SMC4: variants seen among roughly 807,000 people sequenced by gnomAD.
SMC4 encodes the protein structural maintenance of chromosomes protein 4.
SMC4 carries 87 observed loss-of-function variants against 145.6 expected under a neutral mutation model. The ratio of observed to expected loss-of-function variants is 0.60; its 90% CI spans 0.50 to 0.71. SMC4 has a LOEUF of 0.71. Among genes scored for constraint, SMC4 ranks in the 30% least tolerant of loss-of-function variants. The pLI, the probability that SMC4 is intolerant of heterozygous loss-of-function variation, is 0.00. For missense variants in SMC4, 1,447 were observed against 1,537.1 expected (o/e 0.94, Z 0.98); for synonymous variants, 558 against 500.7 (o/e 1.11, Z -1.53).
At chr3:160,402,180 CTA>C in intron 3 of SMC4, 87 bp downstream of exon 3, 1 of 846,816 alleles carries the variant, frequency 1.2e-6, no homozygotes, top group Non-Finnish European at 1.7e-6. Flanking sequence ...AGTTTTGTAA[CTA>C]TCCTAAAATT....
chr3:160,416,953 C>T (rs76054745), intron 10 of SMC4, among the ~76,000 whole-genome samples: 2,711 of 152,050 alleles, frequency 0.018, 68 homozygotes, highest in African/African-American at 0.062. Flanking sequence ...ATCTATATAA[C>T]GTACTGAGAA....
Position 160,431,791 on chromosome 3 carries a change from C to G in SMC4, c.3263C>G (p.Pro1088Arg). ...GAAGCCCGGTGTCATGAAATGAAACCAAACCTCGGTGCCATCGCAGAGTAT... is the reference window on the plus strand; with the variant it reads ...GAAGCCCGGTGTCATGAAATGAAACGAAACCTCGGTGCCATCGCAGAGTAT... ...LLEARCHEMKPNLGAIAEYKK... is the reference protein window; with the variant it reads ...LLEARCHEMKRNLGAIAEYKK... The change falls in exon 21 of 24, where the codon CCA becomes CGA. Residue 1088 changes from proline (P) to arginine (R), a missense_variant. Coordinates refer to ENST00000357388, the MANE Select transcript of SMC4 (RefSeq NM_001002800.3). 1 of 1,613,712 alleles carries G rather than the reference C, an allele frequency of 6.2e-7. No homozygotes were observed. The highest frequency in any genetic ancestry group is 8.5e-7 in the Non-Finnish European group (1 of 1,179,930).
At chr3:160,431,942 C>T in intron 21 of SMC4, 117 bp downstream of exon 21, 1 of 1,088,410 alleles carries the variant, frequency 9.2e-7, no homozygotes, top group Non-Finnish European at 1.3e-6. Context: ...TGGCTCACGC[C>T]TGTAATCCCA....
At chr3:160,426,788 A>G (rs113148456) in intron 17 of SMC4, among the ~76,000 whole-genome samples, 2,031 of 152,312 alleles carry the variant, frequency 0.013, 23 homozygotes, top group Middle Eastern at 0.02. Flanking sequence ...GTTGGCTTCA[A>G]TCAAACATAG....
At chr3:160,430,180 A>AAGGAGGTAATAAGGG (rs1718240618) in intron 18 of SMC4, among the ~76,000 whole-genome samples, 1 of 37,326 alleles carries the variant, frequency 2.7e-5, no homozygotes, top group African/African-American at 1.2e-4. Flanking sequence ...GCTCAGAGAT[A>AAGGAGGTAATAAGGG]AGGAGGTAAT....
chr3:160,419,825 C>T (rs1716981485), intron 12 of SMC4, among the ~76,000 whole-genome samples: 1 of 151,978 alleles, frequency 6.6e-6, no homozygotes, highest in South Asian at 2.1e-4. Context: ...GAGACTTTAG[C>T]CAGGCACAAT....
chr3:160,423,282 G>C (rs140017582), intron 13 of SMC4, 143 bp from the exon 14 acceptor site: 2 of 622,538 alleles, frequency 3.2e-6, no homozygotes, highest in African/African-American at 3.8e-5. Context: ...GATGTCTTCC[G>C]TTTAGGTCTA....
At chr3:160,407,635 C>T (rs1715489737) in intron 5 of SMC4, among the ~76,000 whole-genome samples, 2 of 151,464 alleles carry the variant, frequency 1.3e-5, no homozygotes, top group Non-Finnish European at 2.9e-5. Flanking sequence ...TGAGTTGTTG[C>T]CTAGCCATCT....
intron 20 of SMC4, 123 bp from the exon 21 acceptor site, chr3:160,431,516 ATAAT>A (rs1718402875): frequency 1.3e-6 from 1 of 772,032 alleles, no homozygotes; most frequent in Admixed American, 3.2e-5. Flanking sequence ...CCTTTGAAAA[ATAAT>A]TGATAAATCA....
In SMC4 at chr3:160,419,447, G is replaced by C. The variant is rs76165638; in HGVS notation, c.1761G>C (p.Lys587Asn). Reference sequence around the variant, plus strand: ...TCTTTCAAAAAGTTGAAGAAGCAAAGAGCTCATTAGCAATGAATCGAAGTA... The same window carrying C: ...TCTTTCAAAAAGTTGAAGAAGCAAACAGCTCATTAGCAATGAATCGAAGTA... ...HDLFQKVEEA[K>N]SSLAMNRSRG... The change falls in exon 12 of 24, where the codon AAG becomes AAC. Residue 587 changes from lysine (K) to asparagine (N), a missense_variant. Lys to Asn is a moderately conservative substitution (Grantham distance 94, BLOSUM62 0). Transcript: ENST00000357388. The C allele has an allele frequency of 6.0e-4, 967 of 1,612,306 alleles. 5 individuals carry two copies. In the African/African-American group the frequency reaches 0.012, roughly 19 times the overall value.
In SMC4 at chr3:160,432,306, A is replaced by G. The variant is rs762281554; in HGVS notation, c.3321A>G (p.Val1107=). 9 of 1,608,888 alleles carry G rather than the reference A, an allele frequency of 5.6e-6. No homozygotes were observed. In the African/African-American group the frequency reaches 9.4e-5, roughly 17 times the overall value. The change falls in exon 22 of 24, where the codon GTA becomes GTG. Residue 1107 remains valine, a synonymous_variant. Coordinates refer to ENST00000357388, the MANE Select transcript of SMC4 (RefSeq NM_001002800.3). ...AGGAAGAATTGTATTTGCAACGGGT[A>G]GCAGAATTGGACAAAATTACTTATG... is the stretch of plus-strand genomic sequence containing the variant. ...KKKEELYLQR[V]AELDKITYER... is the part of the protein sequence containing the mutation.
At chr3:160,428,503 C>T (rs1241194405) in intron 17 of SMC4, among the ~76,000 whole-genome samples, 3 of 152,044 alleles carry the variant, frequency 2.0e-5, no homozygotes, top group African/African-American at 4.8e-5. Flanking sequence ...TTAAAAGAAG[C>T]TGAGAACATG....
chr3:160,433,514 T>C, intron 23 of SMC4, 143 bp from the exon 24 acceptor site: 1 of 588,956 alleles, frequency 1.7e-6, no homozygotes, highest in East Asian at 3.0e-5. Context: ...CACACTCAAA[T>C]ACTGTTTTAT....
intron 15 of SMC4, among the ~76,000 whole-genome samples, chr3:160,424,083 G>T (rs1285402827): frequency 6.6e-6 from 1 of 152,026 alleles, no homozygotes; most frequent in African/African-American, 2.4e-5. Context: ...GGATCATACA[G>T]ATATTCCATA....
intron 13 of SMC4, among the ~76,000 whole-genome samples, chr3:160,422,231 T>C (rs1031810912): frequency 1.3e-5 from 2 of 152,246 alleles, no homozygotes. Flanking sequence ...AGGGTAGAAC[T>C]GCTGGGTCAT....
At chr3:160,422,190 A>G (rs1023029616) in intron 13 of SMC4, among the ~76,000 whole-genome samples, 9 of 152,148 alleles carry the variant, frequency 5.9e-5, no homozygotes, top group Admixed American at 1.3e-4. Context: ...GTGAACATGT[A>G]TTTTCAGTTC....
rs1270410067 is a variant in SMC4, at chr3:160,419,355, TAGAA to T, written c.1675_1678del (p.Glu559LysfsTer31). The T allele has an allele frequency of 5.1e-6, 8 of 1,575,906 alleles. No homozygotes were observed. Among genetic ancestry groups the T allele is most frequent in the Non-Finnish European group, 6.9e-6 (8 of 1,163,322 alleles). ...CTGGATTTCATTTTATTTTCACTTT[TAGAA>T]AGAAAAAGAACTTCAAAAACTTACA... On this transcript the variant is annotated splice_acceptor_variant and coding_sequence_variant, in exon 12 of 24. Transcript: ENST00000357388. LOFTEE classifies it high-confidence loss of function.
chr3:160,413,850 TAACA>T (rs1716300555), intron 8 of SMC4: 1 of 336,826 alleles, frequency 3.0e-6, no homozygotes, highest in East Asian at 7.4e-5. Flanking sequence ...CGTAGCACAG[TAACA>T]AACAATAAGC....
At position 160,433,094 on chromosome 3, in the gene SMC4, C is replaced by T; in HGVS notation, c.3599C>T (p.Ser1200Leu). The change falls in exon 23 of 24, where the codon TCA (serine) becomes TTA (leucine). Residue 1200 changes from serine to leucine, a missense_variant. Transcript: ENST00000357388. The stretch of plus-strand genomic sequence containing the variant: ...TCGGGAGGAGAGAAAACACTTAGTT[C>T]ATTGGCTTTAGTATTTGCTCTTCAC... ...NLSGGEKTLSSLALVFALHHY... is the reference protein window; with the variant it reads ...NLSGGEKTLSLLALVFALHHY... 1 of 1,613,476 alleles carries T rather than the reference C, an allele frequency of 6.2e-7. No individual in the cohort carries two copies. Among genetic ancestry groups the T allele is most frequent in the Non-Finnish European group, 8.5e-7 (1 of 1,179,512 alleles).
Sources: gnomAD v4.1 joint callset for allele counts (sites outside exome capture counted in the v4.1 genomes callset) on GRCh38, gnomAD v4.1.1 for gene constraint, MANE v1.5 for transcripts, NCBI Gene and HGNC (gene_info 2026-07-23, HGNC 2026-07-21) for gene names.